The following EPB41L1 variants were observed in gnomAD, a reference collection of about 807,000 sequenced individuals.
EPB41L1 encodes the protein erythrocyte membrane protein band 4.1 like 1.
In EPB41L1, 29 loss-of-function variants were observed where a neutral mutation model predicts 97.8. That is an observed-to-expected ratio of 0.30 (90% CI 0.22 to 0.40). The LOEUF (loss-of-function observed/expected upper bound fraction) is 0.40, where lower values mean the gene tolerates loss of function less well. Among genes scored for constraint, EPB41L1 ranks in the 10% least tolerant of loss-of-function variants. The probability of loss-of-function intolerance (pLI) is 1.00; values close to 1 mark genes in which losing one functional copy is unlikely to be tolerated. For missense variants in EPB41L1, 812 were observed against 1,162.3 expected, an observed-to-expected ratio of 0.70 and a Z score of 4.38; for synonymous variants, 383 against 459.2, an observed-to-expected ratio of 0.83 and a Z score of 2.12.
chr20:36,105,947 C>T (rs2058176525), intron 1 of EPB41L1, among the ~76,000 whole-genome samples: 1 of 152,188 alleles, frequency 6.6e-6, no homozygotes, highest in Admixed American at 6.5e-5. Flanking sequence ...CTCCCCTCCT[C>T]CCCAGGGGGC....
intron 1 of EPB41L1, among the ~76,000 whole-genome samples, chr20:36,106,106 C>G (rs536981738): frequency 6.6e-6 from 1 of 152,316 alleles, no homozygotes; most frequent in East Asian, 1.9e-4. Flanking sequence ...GAGACCCGTC[C>G]AGAGGCCAGG....
chr20:36,132,398 C>T (rs1476262220), intron 2 of EPB41L1, among the ~76,000 whole-genome samples: 1 of 152,068 alleles, frequency 6.6e-6, no homozygotes, highest in Non-Finnish European at 1.5e-5. Flanking sequence ...CCCCAAATCC[C>T]CTTTTGACTT....
chr20:36,196,467 C>T (rs1466967887), intron 13 of EPB41L1, among the ~76,000 whole-genome samples: 2 of 152,240 alleles, frequency 1.3e-5, no homozygotes, highest in Non-Finnish European at 2.9e-5. Context: ...TGTGCAAGCA[C>T]CATCAGGTTT....
At chr20:36,173,319 A>G (rs562697555) in intron 1 of EPB41L1, among the ~76,000 whole-genome samples, 3 of 152,272 alleles carry the variant, frequency 2.0e-5, no homozygotes, top group Admixed American at 2.0e-4. Flanking sequence ...CAGCACTGGA[A>G]AGGTCTGGAA....
intron 2 of EPB41L1, among the ~76,000 whole-genome samples, chr20:36,134,846 CTCTG>C (rs1388150466): frequency 1.4e-5 from 2 of 143,238 alleles, no homozygotes; most frequent in Non-Finnish European, 3.0e-5. Context: ...TTTGTGTTTT[CTCTG>C]TCTTTTTTTT....
chr20:36,096,718 ATTG>A (rs1378319718), intron 1 of EPB41L1, among the ~76,000 whole-genome samples: 9 of 152,166 alleles, frequency 5.9e-5, no homozygotes. Context: ...AGAATTTGTA[ATTG>A]TTGTTTGTCC....
At chr20:36,208,399 G>A (rs760441038) in intron 14 of EPB41L1, 6 of 444,214 alleles carry the variant, frequency 1.4e-5, no homozygotes, top group South Asian at 4.8e-5. Context: ...CCAGCCCCTC[G>A]GGCCCTCAGG....
At chr20:36,127,295 G>A in intron 2 of EPB41L1, among the ~76,000 whole-genome samples, 1 of 152,230 alleles carries the variant, frequency 6.6e-6, no homozygotes, top group East Asian at 1.9e-4. Context: ...GTGATGAGGA[G>A]ATGCCTTTGT....
chr20:36,203,295 C>G (rs1384709625), intron 14 of EPB41L1, among the ~76,000 whole-genome samples: 2 of 152,252 alleles, frequency 1.3e-5, no homozygotes, highest in Non-Finnish European at 2.9e-5. Flanking sequence ...CCTCTCCCCT[C>G]TGGGATACCG....
chr20:36,185,273 C>T lies in EPB41L1; in HGVS notation c.723C>T (p.Arg241=). The T allele has an allele frequency of 6.2e-7, 1 of 1,613,862 alleles. No homozygotes were observed. Among genetic ancestry groups the T allele is most frequent in the South Asian group, 1.1e-5 (1 of 91,068 alleles). ...EHVGNYVSEL[R]FAPNQTRELE... is the part of the protein sequence containing the mutation. ...TGGGCAACTATGTCAGCGAGCTCCG[C>T]TTCGCCCCTAACCAGACCCGGGAGC... Residue 241 remains arginine (R), a synonymous_variant, in exon 7 of 22, where the codon CGC becomes CGT. Coordinates refer to ENST00000338074, the MANE Select transcript of EPB41L1 (RefSeq NM_012156.2).
chr20:36,155,587 G>T (rs563945172), intron 1 of EPB41L1: 2 of 456,394 alleles, frequency 4.4e-6, no homozygotes, highest in African/African-American at 4.0e-5. Context: ...CAGCCATTGG[G>T]GTACTTACTG....
chr20:36,189,549 C>A (rs985671272), intron 9 of EPB41L1, among the ~76,000 whole-genome samples: 2 of 152,214 alleles, frequency 1.3e-5, no homozygotes, highest in Admixed American at 6.5e-5. Flanking sequence ...GTATCTCCCC[C>A]TCTCGCTTCT....
intron 11 of EPB41L1, 49 bp from the exon 12 acceptor site, chr20:36,194,163 C>T: frequency 6.2e-7 from 1 of 1,611,578 alleles, no homozygotes; most frequent in Non-Finnish European, 8.5e-7. Flanking sequence ...TCTGTCTGTT[C>T]TCTGGGAGGG....
intron 2 of EPB41L1, among the ~76,000 whole-genome samples, chr20:36,120,153 C>G (rs959459478): frequency 3.1e-4 from 47 of 152,244 alleles, no homozygotes; most frequent in African/African-American, 9.2e-4. Flanking sequence ...AGCCCCTACT[C>G]TAAGCCAGGC....
At chr20:36,097,991 CAG>C (rs2057888328) in intron 1 of EPB41L1, among the ~76,000 whole-genome samples, 1 of 152,160 alleles carries the variant, frequency 6.6e-6, no homozygotes, top group Non-Finnish European at 1.5e-5. Flanking sequence ...CAGGTGGTGA[CAG>C]AGGATGGTTG....
rs2057737696 is a variant in EPB41L1 at position 36,093,709 on chromosome 20, G to A, written c.-65+2097G>A. Among the ~76,000 whole-genome samples, 1 of 151,780 alleles carries A rather than the reference G, an allele frequency of 6.6e-6. No individual in the cohort carries two copies. The highest frequency in any genetic ancestry group is 1.5e-5 in the Non-Finnish European group (1 of 67,902). ...CGTGCGTGTGTGTGTGTGTGTATGT[G>A]TATGCGTGCGCGCGCGTGTGTGGAT... On this transcript the variant is annotated intron_variant, in intron 1 of 19. Transcript: ENST00000202028. This position sits in a 1 kb window ranked among gnomAD's most constrained non-coding sequence, Gnocchi z 5.4.
chr20:36,159,576 T>A (rs1479211331), intron 1 of EPB41L1, among the ~76,000 whole-genome samples: 1 of 152,250 alleles, frequency 6.6e-6, no homozygotes, highest in Admixed American at 6.5e-5. Context: ...CACATTTTAT[T>A]CATTGTTTCG....
At chr20:36,226,014 C>T (rs1038061876) in intron 21 of EPB41L1, among the ~76,000 whole-genome samples, 4 of 152,172 alleles carry the variant, frequency 2.6e-5, no homozygotes, top group African/African-American at 9.7e-5. Context: ...TTTATGTTGC[C>T]CTGGCAAGCC....
Position 36,219,766 on chromosome 20 carries a change from C to A in EPB41L1, c.2361C>A (p.Ile787=), listed in dbSNP as rs756577865. The part of the protein sequence containing the change: ...ATEIRSLSPI[I]GKDVLTSTYG... Reference sequence around the variant, plus strand: ...GGGGTGGTTATATTCTGCAGATCATCGGGAAAGATGTCCTCACCAGCACCT... The same window carrying A: ...GGGGTGGTTATATTCTGCAGATCATAGGGAAAGATGTCCTCACCAGCACCT... The change falls in exon 19 of 22, where the codon ATC becomes ATA. Residue 787 remains isoleucine, a synonymous_variant. Transcript: ENST00000338074. The A allele has an allele frequency of 6.2e-7, 1 of 1,613,872 alleles. No homozygotes were observed. Among genetic ancestry groups the A allele is most frequent in the Non-Finnish European group, 8.5e-7 (1 of 1,179,942 alleles).
Sources: allele counts gnomAD v4.1 joint callset (sites outside exome capture counted in the v4.1 genomes callset), GRCh38; gene constraint gnomAD v4.1.1; non-coding constraint Gnocchi (gnomAD v3.1); transcripts MANE v1.5; gene names NCBI Gene and HGNC (gene_info 2026-07-23, HGNC 2026-07-21).